The following GPC6 variants were observed in gnomAD, a reference collection of about 807,000 sequenced individuals.
GPC6 encodes glypican 6.
In GPC6, 14 loss-of-function variants were observed where a neutral mutation model predicts 55.2. The observed-to-expected ratio is 0.25, with a 90% CI of 0.17 to 0.40. GPC6 has a LOEUF of 0.40. GPC6 is among the 10% of genes least tolerant of loss of function. GPC6 has a pLI of 1.00. For synonymous variants in GPC6, 278 were observed against 259.6 expected, an observed-to-expected ratio of 1.07 and a Z score of -0.68; for missense variants, 641 against 708.5, an observed-to-expected ratio of 0.90 and a Z score of 1.08.
intron 1 of GPC6, among the ~76,000 whole-genome samples, chr13:93,264,535 A>T (rs564691492): frequency 8.9e-4 from 136 of 152,094 alleles, no homozygotes; most frequent in Non-Finnish European, 1.6e-3. Context: ...TCAGCCTCCC[A>T]CTTTGCTAGG....
intron 4 of GPC6, among the ~76,000 whole-genome samples, chr13:94,067,957 G>T (rs1249136889): frequency 6.6e-6 from 1 of 152,206 alleles, no homozygotes; most frequent in East Asian, 1.9e-4. Context: ...ATGTAGGAAA[G>T]ATGGACTCCT....
intron 2 of GPC6, among the ~76,000 whole-genome samples, chr13:93,642,602 C>T (rs1880000880): frequency 6.6e-6 from 1 of 151,968 alleles, no homozygotes; most frequent in African/African-American, 2.4e-5. Context: ...ATTTTTATCA[C>T]TGTGATTAGA....
intron 3 of GPC6, among the ~76,000 whole-genome samples, chr13:93,981,996 G>A (rs962130390): frequency 2.0e-5 from 3 of 151,788 alleles, no homozygotes; most frequent in Non-Finnish European, 4.4e-5. Flanking sequence ...AATCATAATA[G>A]CACTGCAGAA....
chr13:93,535,819 T>C (rs1046954335), intron 1 of GPC6, among the ~76,000 whole-genome samples: 6 of 151,922 alleles, frequency 3.9e-5, no homozygotes, highest in African/African-American at 1.5e-4. Flanking sequence ...GTTTCAGTTA[T>C]CCCACAGCCT....
chr13:94,077,981 CG>C (rs1001553694), intron 4 of GPC6, among the ~76,000 whole-genome samples: 49 of 151,860 alleles, frequency 3.2e-4, no homozygotes, highest in African/African-American at 1.1e-3. Context: ...TAAGTGCATG[CG>C]GAACATTCTT....
At chr13:94,240,478 A>G (rs148381894) in intron 4 of GPC6, among the ~76,000 whole-genome samples, 2,761 of 152,252 alleles carry the variant, frequency 0.018, 47 homozygotes, top group Non-Finnish European at 0.029. Flanking sequence ...AGGAGTGGTC[A>G]TGGATTAATT....
chr13:94,091,817 G>A (rs1017058827), intron 4 of GPC6, among the ~76,000 whole-genome samples: 2 of 151,950 alleles, frequency 1.3e-5, no homozygotes, highest in Non-Finnish European at 2.9e-5. Flanking sequence ...AAGAACATAA[G>A]AGTCATAACC....
In GPC6 at chr13:93,231,330, C is replaced by CAT. The variant is rs1566533178; in HGVS notation, c.160+3714_160+3715insAT. ...TCCTCATTTCATATATATATATATA[C>CAT]GTATATATATATATACATATATATA... On this transcript the variant is annotated intron_variant, in intron 1 of 8. Transcript: ENST00000377047. 6.0e-3 allele frequency among the ~76,000 whole-genome samples: 139 copies of CAT among 23,308 alleles called. 1 individual carries two copies. Among genetic ancestry groups the CAT allele is most frequent in the Non-Finnish European group, 7.0e-3 (90 of 12,914 alleles). The allele number at this position is 23,308 out of a possible 152,430, so 15.3% of individuals were successfully genotyped here.
chr13:93,683,238 G>A (rs985396250), intron 2 of GPC6, among the ~76,000 whole-genome samples: 2 of 151,604 alleles, frequency 1.3e-5, no homozygotes, highest in African/African-American at 4.8e-5. Flanking sequence ...ATCATTTGCT[G>A]TTAAGTAACT....
intron 4 of GPC6, among the ~76,000 whole-genome samples, chr13:94,091,856 A>C (rs928183243): frequency 6.6e-6 from 1 of 151,502 alleles, no homozygotes; most frequent in Non-Finnish European, 1.5e-5. Flanking sequence ...CACTATGGTA[A>C]CTGGTGAAGA....
chr13:94,238,628 T>C (rs1234426320), intron 4 of GPC6, among the ~76,000 whole-genome samples: 2 of 152,124 alleles, frequency 1.3e-5, no homozygotes, highest in African/African-American at 4.8e-5. Flanking sequence ...AGAAAGCAGT[T>C]CAATCATATG....
intron 3 of GPC6, among the ~76,000 whole-genome samples, chr13:93,911,406 CTGTG>C (rs10566353): frequency 0.45 from 67,168 of 149,720 alleles, 16,062 homozygotes; most frequent in African/African-American, 0.6. Flanking sequence ...AGATAATTGA[CTGTG>C]TGTGTGTGTG....
At chr13:93,506,724 G>A (rs958015955) in intron 1 of GPC6, among the ~76,000 whole-genome samples, 2 of 151,728 alleles carry the variant, frequency 1.3e-5, no homozygotes, top group African/African-American at 4.8e-5. Context: ...TCTTCTTTCA[G>A]ACTATAAGGA....
chr13:94,226,549 A>G (rs1890564498), intron 4 of GPC6, among the ~76,000 whole-genome samples: 1 of 152,216 alleles, frequency 6.6e-6, no homozygotes, highest in South Asian at 2.1e-4. Flanking sequence ...CATAAATACA[A>G]TTTTTTAAAA....
chr13:93,640,770 A>T (rs890901074), intron 2 of GPC6, among the ~76,000 whole-genome samples: 2 of 8,308 alleles, frequency 2.4e-4, no homozygotes, highest in Admixed American at 1.9e-3. Flanking sequence ...CCTCCTCCCC[A>T]CTTTCCTTCC....
chr13:93,349,556 G>A (rs1880556059), intron 1 of GPC6, among the ~76,000 whole-genome samples: 1 of 152,028 alleles, frequency 6.6e-6, no homozygotes. Context: ...CATCCGATCT[G>A]GAGATATACC....
At chr13:94,287,817 T>C (rs1313936196) in intron 5 of GPC6, among the ~76,000 whole-genome samples, 2 of 152,184 alleles carry the variant, frequency 1.3e-5, no homozygotes, top group East Asian at 1.9e-4. Flanking sequence ...CGGTATCCCG[T>C]TGGTGCTCAA....
chr13:94,225,372 A>G (rs939553408), intron 4 of GPC6, among the ~76,000 whole-genome samples: 63 of 152,104 alleles, frequency 4.1e-4, no homozygotes, highest in African/African-American at 1.3e-3. Flanking sequence ...AAGCTTTACC[A>G]TAAGTTTGAT....
At chr13:94,323,665 C>T (rs1594168594) in intron 6 of GPC6, among the ~76,000 whole-genome samples, 1 of 152,226 alleles carries the variant, frequency 6.6e-6, no homozygotes, top group South Asian at 2.1e-4. Flanking sequence ...GGCATAATTA[C>T]ACTGAAAACC....
Sources: allele counts gnomAD v4.1 joint callset (sites outside exome capture counted in the v4.1 genomes callset), GRCh38; gene constraint gnomAD v4.1.1; transcripts MANE v1.5; gene names NCBI Gene and HGNC (gene_info 2026-07-23, HGNC 2026-07-21).